Variants in SMARCA2 observed in about 807,000 individuals in gnomAD.
SMARCA2 encodes the protein SWI/SNF-related matrix-associated actin-dependent regulator of chromatin subfamily A member 2.
SMARCA2 carries 61 observed loss-of-function variants against 199.8 expected under a neutral mutation model. The observed-to-expected ratio is 0.31, with a 90% CI of 0.25 to 0.38. SMARCA2 has a LOEUF of 0.38. Ranked by LOEUF, SMARCA2 falls within the 10% of genes least tolerant of loss-of-function variation. SMARCA2 has a pLI of 1.00. For synonymous variants in SMARCA2, 935 were observed against 732.0 expected (o/e 1.28, Z -4.48); for missense variants, 1,344 against 2,012.2 (o/e 0.67, Z 6.35).
At chr9:2,022,957 A>C (rs1222600881) in intron 1 of SMARCA2, among the ~76,000 whole-genome samples, 1 of 152,212 alleles carries the variant, frequency 6.6e-6, no homozygotes, top group African/African-American at 2.4e-5. Context: ...CTACTAATGG[A>C]CATGAGTCTC....
At chr9:2,085,752 C>G (rs1201660344) in intron 17 of SMARCA2, 1 of 152,084 alleles carries the variant, frequency 6.6e-6, no homozygotes, top group Non-Finnish European at 1.5e-5. Context: ...AAGGCAAGGA[C>G]TGTATAGAAT....
intron 19 of SMARCA2, among the ~76,000 whole-genome samples, chr9:2,095,337 G>A (rs1163388803): frequency 6.6e-6 from 1 of 151,976 alleles, no homozygotes; most frequent in East Asian, 1.9e-4. Flanking sequence ...GCCCGCCTCG[G>A]CCTCCCAAAG....
In SMARCA2 at chr9:2,192,724, G is replaced by T. The variant is rs905547617; in HGVS notation, c.4758G>T (p.Gly1586=). The T allele has an allele frequency of 6.8e-6, 11 of 1,609,370 alleles. No homozygotes were observed. In the African/African-American group the frequency reaches 1.5e-4, roughly 22 times the overall value. Residue 1586 remains glycine (G), a synonymous_variant, in exon 34 of 34, where the codon GGG becomes GGT. Coordinates refer to ENST00000349721, the MANE Select transcript of SMARCA2 (RefSeq NM_003070.5). The part of the protein sequence containing the change: ...QDEREQSEGS[G]TDDE ...TTTAGGAACAGTCAGAAGGAAGTGG[G>T]ACGGATGATGAGTGATCAGTATGGA... is the stretch of plus-strand genomic sequence containing the variant.
rs1341326664 is a variant in SMARCA2 at position 2,169,348 on chromosome 9, G to A, written c.4200-1071G>A. Among the ~76,000 whole-genome samples the A allele has an allele frequency of 1.3e-5, 2 of 152,122 alleles. No homozygotes were observed. The highest frequency in any genetic ancestry group is 6.6e-5 in the Admixed American group (1 of 15,262). The stretch of plus-strand genomic sequence containing the variant: ...TTCACAGCGGCCCCGTTGCCTACCC[G>A]ATGATGACCAGACTTCTTAGCGTAG... On this transcript the variant is annotated intron_variant, in intron 28 of 33. Transcript: ENST00000349721. This position sits in a 1 kb window ranked among gnomAD's most constrained non-coding sequence, Gnocchi z 6.5.
At chr9:2,079,672 C>G (rs989746903) in intron 14 of SMARCA2, among the ~76,000 whole-genome samples, 1 of 152,194 alleles carries the variant, frequency 6.6e-6, no homozygotes, top group Non-Finnish European at 1.5e-5. Flanking sequence ...TTAGTAAGAT[C>G]ATGTTTTCTC....
At chr9:2,091,763 T>C (rs1211382830) in intron 19 of SMARCA2, among the ~76,000 whole-genome samples, 2 of 152,186 alleles carry the variant, frequency 1.3e-5, no homozygotes, top group African/African-American at 4.8e-5. Flanking sequence ...CATTAGTGCT[T>C]GCTATTGTCA....
Position 2,135,197 on chromosome 9 carries a change from G to T in SMARCA2, c.3981+11260G>T, listed in dbSNP as rs533760556. On this transcript the variant is annotated intron_variant, in intron 27 of 33. Coordinates refer to ENST00000349721, the MANE Select transcript of SMARCA2 (RefSeq NM_003070.5). ...GAACTAGGAGCTCCAGTGTCTGAGG[G>T]CAGGAGAAGATGGATGACACAGCTC... Among the ~76,000 whole-genome samples, 35 of 152,324 alleles carry T rather than the reference G, an allele frequency of 2.3e-4. No homozygotes were observed. In the South Asian group the frequency reaches 4.8e-3, roughly 21 times the overall value.
At chr9:2,108,038 G>C (rs1032702166) in intron 23 of SMARCA2, among the ~76,000 whole-genome samples, 2 of 152,130 alleles carry the variant, frequency 1.3e-5, no homozygotes, top group Admixed American at 6.5e-5. Flanking sequence ...TCACAGGTTC[G>C]TTCTACACAG....
At chr9:2,088,154 G>A (rs1188450688) in intron 18 of SMARCA2, among the ~76,000 whole-genome samples, 1 of 152,180 alleles carries the variant, frequency 6.6e-6, no homozygotes, top group African/African-American at 2.4e-5. Flanking sequence ...ATTAACTGTT[G>A]CCCACCTTCT....
In SMARCA2 at chr9:2,035,743, C is replaced by CAA. The variant is rs572353745; in HGVS notation, c.355+2664_355+2665dup. Reference sequence around the variant, plus strand: ...CAATGAAGTATAATAACTTTAAATGCAAAGGTCTGCATTAAAGGGAATCAG... The same window carrying CAA: ...CAATGAAGTATAATAACTTTAAATGCAAAAAGGTCTGCATTAAAGGGAATCAG... On this transcript the variant is annotated intron_variant, in intron 3 of 33. Transcript: ENST00000349721. 1.4e-4 allele frequency among the ~76,000 whole-genome samples: 22 copies of CAA among 152,220 alleles called. No homozygotes were observed. In the East Asian group the frequency reaches 4.1e-3, roughly 28 times the overall value.
chr9:2,176,833 C>A (rs1448221146), intron 29 of SMARCA2, among the ~76,000 whole-genome samples: 1 of 152,024 alleles, frequency 6.6e-6, no homozygotes, highest in Non-Finnish European at 1.5e-5. Context: ...GCGGGGATTG[C>A]AGGTGTGAGC....
chr9:2,032,037 A>G (rs1819094184), intron 2 of SMARCA2, among the ~76,000 whole-genome samples: 1 of 152,146 alleles, frequency 6.6e-6, no homozygotes, highest in Non-Finnish European at 1.5e-5. Context: ...CCTCTTTATG[A>G]TACATTTTTT....
chr9:2,167,926 C>T (rs956207155), intron 28 of SMARCA2, among the ~76,000 whole-genome samples: 1 of 151,788 alleles, frequency 6.6e-6, no homozygotes, highest in Non-Finnish European at 1.5e-5. Flanking sequence ...AAGTAGGGGT[C>T]GTATGAGCCC....
chr9:2,162,782 G>C (rs1019807672), intron 28 of SMARCA2: 1 of 152,130 alleles, frequency 6.6e-6, no homozygotes, highest in East Asian at 1.9e-4. Context: ...ATCATTCCTG[G>C]AGGTACTGCA....
chr9:2,099,255 G>C (rs965566675), intron 21 of SMARCA2, among the ~76,000 whole-genome samples: 2 of 152,146 alleles, frequency 1.3e-5, no homozygotes, highest in African/African-American at 4.8e-5. Flanking sequence ...TGGGAGAAAA[G>C]TCTAATGATG....
At chr9:2,125,000 G>T (rs1037792762) in intron 27 of SMARCA2, among the ~76,000 whole-genome samples, 1 of 152,202 alleles carries the variant, frequency 6.6e-6, no homozygotes, top group Non-Finnish European at 1.5e-5. Context: ...GGGGAGTACA[G>T]TTCCCAAGCT....
chr9:2,190,245 C>T (rs1827784985), intron 32 of SMARCA2, among the ~76,000 whole-genome samples: 2 of 152,256 alleles, frequency 1.3e-5, no homozygotes, highest in South Asian at 4.2e-4. Context: ...TGACAGAGCA[C>T]TGTTAGAAAT....
At chr9:2,051,596 A>T (rs189992136) in intron 5 of SMARCA2, among the ~76,000 whole-genome samples, 1 of 152,358 alleles carries the variant, frequency 6.6e-6, no homozygotes, top group Admixed American at 6.5e-5. Context: ...AAGATTAAGT[A>T]GGAATTCCTC....
intron 29 of SMARCA2, among the ~76,000 whole-genome samples, chr9:2,175,303 C>A (rs1484801028): frequency 2.2e-5 from 3 of 135,852 alleles, no homozygotes; most frequent in East Asian, 2.3e-4. Flanking sequence ...AAATGCTTGT[C>A]CCCGCCCCCC....
Sources: gnomAD v4.1 joint callset for allele counts (sites outside exome capture counted in the v4.1 genomes callset) on GRCh38, gnomAD v4.1.1 for gene constraint, Gnocchi (gnomAD v3.1) non-coding constraint, MANE v1.5 for transcripts, NCBI Gene and HGNC (gene_info 2026-07-23, HGNC 2026-07-21) for gene names.